The following IGF2BP2 variants were observed in gnomAD, a reference collection of about 807,000 sequenced individuals.
IGF2BP2 encodes insulin like growth factor 2 mRNA binding protein 2, also known as insulin-like growth factor 2 mRNA-binding protein 2.
Under a neutral mutation model 75.8 loss-of-function variants are expected in IGF2BP2, and 17 were observed. That is an observed-to-expected ratio of 0.22 (90% CI 0.15 to 0.34). The LOEUF (loss-of-function observed/expected upper bound fraction) is 0.34, where lower values mean the gene tolerates loss of function less well. Ranked by LOEUF, IGF2BP2 falls within the 10% of genes least tolerant of loss-of-function variation. IGF2BP2 has a pLI of 1.00. For synonymous variants in IGF2BP2, 288 were observed against 295.6 expected (o/e 0.97, Z 0.26); for missense variants, 516 against 772.4 (o/e 0.67, Z 3.93).
chr3:185,683,729 A>G (rs1407057477), intron 7 of IGF2BP2, among the ~76,000 whole-genome samples: 3 of 152,162 alleles, frequency 2.0e-5, no homozygotes, highest in Non-Finnish European at 4.4e-5. Flanking sequence ...ATTTTATGTT[A>G]TGGTTGTTTA....
intron 2 of IGF2BP2, among the ~76,000 whole-genome samples, chr3:185,793,579 C>T (rs796646539): frequency 5.9e-4 from 90 of 152,140 alleles, no homozygotes; most frequent in African/African-American, 2.0e-3. Context: ...CCAAATTACA[C>T]GCTCCAAACC....
chr3:185,696,496 G>A, intron 4 of IGF2BP2, 116 bp downstream of exon 4: 1 of 823,538 alleles, frequency 1.2e-6, no homozygotes, highest in South Asian at 1.5e-5. Context: ...ATATACTCTA[G>A]GAAGCTTATT....
intron 7 of IGF2BP2, among the ~76,000 whole-genome samples, chr3:185,680,729 A>C (rs1402374596): frequency 6.6e-6 from 1 of 152,182 alleles, no homozygotes; most frequent in Non-Finnish European, 1.5e-5. Flanking sequence ...GGATTGCTTG[A>C]GGCCAGGGGT....
chr3:185,821,536 G>A (rs1336558954), intron 2 of IGF2BP2, among the ~76,000 whole-genome samples: 1 of 152,124 alleles, frequency 6.6e-6, no homozygotes, highest in Admixed American at 6.5e-5. Flanking sequence ...TTTAGGAGCT[G>A]TTAATAACTT....
chr3:185,792,782 TAC>T (rs1211211119), intron 2 of IGF2BP2, among the ~76,000 whole-genome samples: 5 of 142,712 alleles, frequency 3.5e-5, no homozygotes, highest in Non-Finnish European at 7.6e-5. Flanking sequence ...AAAAAAAAAA[TAC>T]AGAGGTGCAA....
At chr3:185,744,343 T>C (rs1729956419) in intron 2 of IGF2BP2, among the ~76,000 whole-genome samples, 1 of 152,174 alleles carries the variant, frequency 6.6e-6, no homozygotes, top group African/African-American at 2.4e-5. Context: ...TTCATTAAAC[T>C]GTATATATGT....
rs905059769 is a variant in IGF2BP2, at chr3:185,689,481, C to T, written c.551G>A (p.Gly184Glu). Residue 184 changes from glycine to glutamate, a missense_variant, in exon 6 of 16, where the codon GGG (glycine) becomes GAG (glutamate). Gly to Glu is a moderately conservative substitution (Grantham distance 98, BLOSUM62 -2). Around this residue, in one of 3 missense-constraint regions of IGF2BP2, gnomAD observed 312 missense variants for 474.5 expected, o/e 0.66. Transcript: ENST00000382199. ...AATCTGTCTGGCCTGAGAAGTGCCC[C>T]CAGGGGCGTGGCCTTGCTCCCGGGA... ...HSSREQGHAPGGTSQARQIDF... is the reference protein window; with the variant it reads ...HSSREQGHAPEGTSQARQIDF... 6.2e-7 allele frequency: 1 copy of T among 1,613,800 alleles called. No individual in the cohort carries two copies. The highest frequency in any genetic ancestry group is 8.5e-7 in the Non-Finnish European group (1 of 1,179,894).
At chr3:185,798,578 T>G (rs1737749335) in intron 2 of IGF2BP2, among the ~76,000 whole-genome samples, 2 of 152,192 alleles carry the variant, frequency 1.3e-5, no homozygotes, top group Non-Finnish European at 2.9e-5. Flanking sequence ...TGACACATTA[T>G]TGGTCCCATT....
chr3:185,689,229 C>T, intron 6 of IGF2BP2, 126 bp downstream of exon 6: 1 of 958,768 alleles, frequency 1.0e-6, no homozygotes, highest in South Asian at 1.6e-5. Context: ...TTGAAAGAAG[C>T]CACTGTCTCT....
Position 185,692,748 on chromosome 3 carries a change from C to G in IGF2BP2, c.355G>C (p.Glu119Gln). 6.2e-7 allele frequency: 1 copy of G among 1,614,024 alleles called. No individual in the cohort carries two copies. The highest frequency in any genetic ancestry group is 8.5e-7 in the Non-Finnish European group (1 of 1,179,930). Residue 119 changes from glutamate (E) to glutamine (Q), a missense_variant, in exon 5 of 16, where the codon GAA becomes CAA. Transcript: ENST00000382199. ...ENVEQVNTDT[E>Q]TAVVNVTYAT... ...TATGTGACGTTGACAACGGCGGTTTCTGTGTCTGTGTTGACTAGGGAAAAG... is the reference window on the plus strand; with the variant it reads ...TATGTGACGTTGACAACGGCGGTTTGTGTGTCTGTGTTGACTAGGGAAAAG...
At chr3:185,807,775 A>G (rs1578376354) in intron 2 of IGF2BP2, among the ~76,000 whole-genome samples, 1 of 152,322 alleles carries the variant, frequency 6.6e-6, no homozygotes, top group East Asian at 1.9e-4. Flanking sequence ...GGGGAAGACT[A>G]TTGTCATGCT....
intron 7 of IGF2BP2, among the ~76,000 whole-genome samples, chr3:185,682,478 G>C (rs996074385): frequency 6.6e-6 from 1 of 152,096 alleles, no homozygotes; most frequent in African/African-American, 2.4e-5. Context: ...ATAAACTTTT[G>C]TTCCTTATAA....
At chr3:185,807,853 C>G (rs559487033) in intron 2 of IGF2BP2, among the ~76,000 whole-genome samples, 61 of 152,342 alleles carry the variant, frequency 4.0e-4, no homozygotes, top group Non-Finnish European at 7.5e-4. Context: ...CCAGCCCCAG[C>G]TGAGCCATCG....
At chr3:185,756,809 C>T (rs977664620) in intron 2 of IGF2BP2, among the ~76,000 whole-genome samples, 2 of 152,068 alleles carry the variant, frequency 1.3e-5, no homozygotes, top group Non-Finnish European at 2.9e-5. Flanking sequence ...TCCATCTCTA[C>T]AAAATTAAAA....
chr3:185,643,400 G>A lies in IGF2BP2; in HGVS notation c.*2131C>T, dbSNP rs1212890173. Among the ~76,000 whole-genome samples, 6 of 152,182 alleles carry A rather than the reference G, an allele frequency of 3.9e-5. No homozygotes were observed. The highest frequency in any genetic ancestry group is 1.2e-4 in the African/African-American group (5 of 41,434). On this transcript the variant is annotated 3_prime_UTR_variant, in exon 16 of 16. Transcript: ENST00000382199. ...ATCCATCCCTCTAGCTCCGAGGTTC[G>A]GAAACTTCAGTGCGCACAGCAATCA...
chr3:185,646,543 A>G (rs538488418), intron 15 of IGF2BP2, among the ~76,000 whole-genome samples: 3 of 152,316 alleles, frequency 2.0e-5, no homozygotes, highest in African/African-American at 7.2e-5. Flanking sequence ...GTGGAGGTGC[A>G]GTATTTTGAT....
chr3:185,792,163 A>C (rs933665371), intron 2 of IGF2BP2, among the ~76,000 whole-genome samples: 1 of 152,218 alleles, frequency 6.6e-6, no homozygotes, highest in African/African-American at 2.4e-5. Context: ...ACAAATCATC[A>C]AGTTACAGTA....
intron 7 of IGF2BP2, 28 bp downstream of exon 7, chr3:185,687,029 G>C (rs1167853092): frequency 3.1e-6 from 5 of 1,601,970 alleles, no homozygotes; most frequent in Non-Finnish European, 4.2e-6. Context: ...TCTCTGTTGA[G>C]TGATCTGGGC....
At chr3:185,684,561 C>T (rs536169458) in intron 7 of IGF2BP2, among the ~76,000 whole-genome samples, 13 of 152,096 alleles carry the variant, frequency 8.5e-5, no homozygotes, top group African/African-American at 2.4e-4. Flanking sequence ...TGTGCCACCA[C>T]GCCCAGCTAA....
Sources: allele counts gnomAD v4.1 joint callset (sites outside exome capture counted in the v4.1 genomes callset), GRCh38; gene constraint gnomAD v4.1.1; regional missense constraint gnomAD v4.1.1; transcripts MANE v1.5; gene names NCBI Gene and HGNC (gene_info 2026-07-23, HGNC 2026-07-21).